C4BPA: variants seen among roughly 807,000 people sequenced by gnomAD.
C4BPA encodes the protein complement component 4 binding protein alpha, also known as C4b-binding protein alpha chain.
A neutral mutation model predicts 63.7 loss-of-function variants in C4BPA; 31 were observed. That is an observed-to-expected ratio of 0.49 (90% CI 0.37 to 0.66). The LOEUF (loss-of-function observed/expected upper bound fraction) is 0.66. Among genes scored for constraint, C4BPA ranks in the 30% least tolerant of loss-of-function variants. C4BPA has a pLI of 0.00. For synonymous variants in C4BPA, 259 were observed against 254.7 expected (o/e 1.02, Z -0.16); for missense variants, 572 against 723.3 (o/e 0.79, Z 2.40).
At chr1:207,135,212 C>T (rs1050114151) in intron 9 of C4BPA, among the ~76,000 whole-genome samples, 1 of 152,116 alleles carries the variant, frequency 6.6e-6, no homozygotes, top group South Asian at 2.1e-4. Flanking sequence ...GTGGCGTGGG[C>T]CTGTAGTCCC....
intron 1 of C4BPA, among the ~76,000 whole-genome samples, chr1:207,108,454 T>C (rs1170493911): frequency 2.0e-5 from 3 of 152,240 alleles, no homozygotes; most frequent in Non-Finnish European, 4.4e-5. Flanking sequence ...ACGTAGATTA[T>C]CATCTGCTTT....
intron 1 of C4BPA, among the ~76,000 whole-genome samples, chr1:207,110,510 C>T (rs1161104362): frequency 6.6e-6 from 1 of 152,116 alleles, no homozygotes; most frequent in Non-Finnish European, 1.5e-5. Context: ...ATTTTGGAGG[C>T]CAGGCATGGT....
Position 207,131,723 on chromosome 1 carries a change from C to G in C4BPA, c.1067C>G (p.Pro356Arg), listed in dbSNP as rs773939622. 6.2e-7 allele frequency: 1 copy of G among 1,612,160 alleles called. No individual in the cohort carries two copies. Among genetic ancestry groups the G allele is most frequent in the South Asian group, 1.1e-5 (1 of 90,590 alleles). The change falls in exon 8 of 12, where the codon CCA becomes CGA. Residue 356 changes from proline to arginine, a missense_variant. By Grantham distance (103) the Pro-to-Arg change is moderately radical. Around this residue, in one of 2 missense-constraint regions of C4BPA, gnomAD observed 465 missense variants for 629.4 expected, o/e 0.74. Coordinates refer to ENST00000367070, the MANE Select transcript of C4BPA (RefSeq NM_000715.4). ...TGTCAGAAAAATTTGAGATGGACCC[C>G]ATACCAAGGATGTGAGGGTGAGTTT... is the stretch of plus-strand genomic sequence containing the variant. ...VICQKNLRWT[P>R]YQGCEALCCP...
At chr1:207,136,406 T>G (rs182663271) in intron 9 of C4BPA, among the ~76,000 whole-genome samples, 33 of 152,352 alleles carry the variant, frequency 2.2e-4, no homozygotes, top group Admixed American at 2.0e-3. Context: ...TCACACTTCC[T>G]GCCCACTCTC....
At chr1:207,130,031 A>G (rs1217686642) in intron 7 of C4BPA, among the ~76,000 whole-genome samples, 3 of 152,200 alleles carry the variant, frequency 2.0e-5, no homozygotes, top group Non-Finnish European at 4.4e-5. Flanking sequence ...ATGCAATTAT[A>G]TACATATTGT....
intron 9 of C4BPA, among the ~76,000 whole-genome samples, chr1:207,136,009 C>G (rs1685273286): frequency 6.6e-6 from 1 of 152,218 alleles, no homozygotes; most frequent in Non-Finnish European, 1.5e-5. Flanking sequence ...AAGGCAAACC[C>G]ATGCCTGCAA....
At chr1:207,115,076 A>G (rs538235523) in intron 3 of C4BPA, among the ~76,000 whole-genome samples, 32 of 152,272 alleles carry the variant, frequency 2.1e-4, no homozygotes, top group South Asian at 1.0e-3. Flanking sequence ...TCCTTTTGTG[A>G]CATGCATTTT....
chr1:207,111,931 A>AT (rs1316280473), intron 1 of C4BPA, among the ~76,000 whole-genome samples: 2 of 152,094 alleles, frequency 1.3e-5, no homozygotes, highest in African/African-American at 2.4e-5. Flanking sequence ...TCTTTTCTTA[A>AT]TTTTTTATTT....
Position 207,115,748 on chromosome 1 carries a change from C to A in C4BPA, c.428+233C>A, listed in dbSNP as rs143314175. On this transcript the variant is annotated intron_variant, in intron 4 of 11. Coordinates refer to ENST00000367070, the MANE Select transcript of C4BPA (RefSeq NM_000715.4). ...ATATAAATACAAGCTAAGAAGTTAG[C>A]ATATATTCTTATTTTCCCCCCTTTC... Among the ~76,000 whole-genome samples the A allele has an allele frequency of 2.0e-5, 3 of 152,276 alleles. No individual in the cohort carries two copies. In the East Asian group the frequency reaches 5.8e-4, roughly 29 times the overall value.
chr1:207,143,486 A>G (rs1685465283), intron 10 of C4BPA, among the ~76,000 whole-genome samples: 1 of 152,196 alleles, frequency 6.6e-6, no homozygotes, highest in Admixed American at 6.5e-5. Flanking sequence ...AAGTATAATA[A>G]AAAAAGAAAT....
intron 4 of C4BPA, among the ~76,000 whole-genome samples, chr1:207,117,237 T>C (rs755010392): frequency 2.7e-4 from 41 of 152,154 alleles, no homozygotes; most frequent in Admixed American, 1.6e-3. Flanking sequence ...ATCTCTTGAG[T>C]CCAGGAGTTC....
At chr1:207,111,059 T>C (rs1460997694) in intron 1 of C4BPA, among the ~76,000 whole-genome samples, 1 of 152,216 alleles carries the variant, frequency 6.6e-6, no homozygotes, top group Non-Finnish European at 1.5e-5. Context: ...ATAACATATC[T>C]TATTGGGTGG....
At chr1:207,129,055 T>C (rs1377275826) in intron 7 of C4BPA, among the ~76,000 whole-genome samples, 1 of 152,094 alleles carries the variant, frequency 6.6e-6, no homozygotes, top group Non-Finnish European at 1.5e-5. Flanking sequence ...ATTAAGTAAA[T>C]GTATTATGAC....
At chr1:207,139,965 C>T (rs1033607967) in intron 9 of C4BPA, among the ~76,000 whole-genome samples, 1 of 152,154 alleles carries the variant, frequency 6.6e-6, no homozygotes, top group African/African-American at 2.4e-5. Context: ...TTTGATGGTA[C>T]AAATAAAGTG....
At chr1:207,112,200 A>ATGTG (rs201164016) in intron 1 of C4BPA, among the ~76,000 whole-genome samples, 1 of 145,918 alleles carries the variant, frequency 6.9e-6, no homozygotes, top group Non-Finnish European at 1.5e-5. Flanking sequence ...ATATATATAT[A>ATGTG]TGTGTGTGTG....
intron 6 of C4BPA, among the ~76,000 whole-genome samples, chr1:207,125,496 A>C (rs951890382): frequency 1.3e-5 from 2 of 152,110 alleles, no homozygotes; most frequent in African/African-American, 4.8e-5. Flanking sequence ...CTTTTGGGGA[A>C]GTGATTAAGT....
intron 3 of C4BPA, 69 bp from the exon 4 acceptor site, chr1:207,115,347 C>T (rs1348124447): frequency 2.5e-6 from 2 of 811,812 alleles, no homozygotes; most frequent in Non-Finnish European, 2.0e-6. Context: ...TGGTTAATTT[C>T]TTTTCTTTTC....
chr1:207,123,908 T>G lies in C4BPA; in HGVS notation c.429-14T>G. 1 of 1,517,752 alleles carries G rather than the reference T, an allele frequency of 6.6e-7. No homozygotes were observed. The highest frequency in any genetic ancestry group is 2.3e-5 in the East Asian group (1 of 44,050). 94.0% of individuals were successfully genotyped at this position (1,517,752 alleles called of 1,614,324 possible). A position where few individuals can be genotyped will look rare whatever the true frequency, so the allele number is the denominator to read the frequency against. On this transcript the variant is annotated splice_polypyrimidine_tract_variant and intron_variant, in intron 4 of 11. Transcript: ENST00000367070. ...GGAGGAATTCCATTAAAATCTTTGA[T>G]CTATCTTATTCAGATTTTTCTTAAT...
intron 6 of C4BPA, among the ~76,000 whole-genome samples, chr1:207,125,211 G>A (rs559916569): frequency 7.5e-4 from 114 of 152,338 alleles, no homozygotes; most frequent in African/African-American, 2.0e-3. Flanking sequence ...AAGTGAAAGC[G>A]GCAATAGCTG....
Sources: gnomAD v4.1 joint callset for allele counts (sites outside exome capture counted in the v4.1 genomes callset) on GRCh38, gnomAD v4.1.1 for gene constraint, gnomAD v4.1.1 regional missense constraint, MANE v1.5 for transcripts, NCBI Gene and HGNC (gene_info 2026-07-23, HGNC 2026-07-21) for gene names.